The following CSTF2 variants were observed in gnomAD, a reference collection of about 807,000 sequenced individuals.
CSTF2 encodes cleavage stimulation factor subunit 2.
Under a neutral mutation model 45.4 loss-of-function variants are expected in CSTF2, and 8 were observed. That is an observed-to-expected ratio of 0.18 (90% CI 0.10 to 0.32). The LOEUF (loss-of-function observed/expected upper bound fraction) is 0.32, where lower values mean the gene tolerates loss of function less well. Among genes scored for constraint, CSTF2 ranks in the 10% least tolerant of loss-of-function variants. The pLI is 1.00. For missense variants in CSTF2, 253 were observed against 477.1 expected (o/e 0.53, Z 4.38); for synonymous variants, 155 against 158.9 (o/e 0.98, Z 0.18).
chrX:100,831,877 T>C (rs2084977402), intron 9 of CSTF2, among the ~76,000 whole-genome samples: 1 of 112,295 alleles, frequency 8.9e-6, no homozygotes, highest in Non-Finnish European at 1.9e-5. Flanking sequence ...GAAATTTTAG[T>C]ATACATACTT....
At chrX:100,824,388 T>C in intron 6 of CSTF2, 131 bp downstream of exon 6, 1 of 740,518 alleles carries the variant, frequency 1.4e-6, no homozygotes, top group Non-Finnish European at 1.9e-6. Flanking sequence ...TAAAAGCAAT[T>C]TCCAGGTTGC....
chrX:100,822,536 AT>A, intron 3 of CSTF2, 116 bp downstream of exon 3: 1 of 721,443 alleles, frequency 1.4e-6, no homozygotes, highest in Non-Finnish European at 2.1e-6. Flanking sequence ...CAGCTTGTTT[AT>A]TACTTGACTG....
intron 11 of CSTF2, among the ~76,000 whole-genome samples, chrX:100,833,855 G>C (rs1214645567): frequency 9.0e-6 from 1 of 111,641 alleles, no homozygotes; most frequent in African/African-American, 3.3e-5. Context: ...TCTGAGCATG[G>C]ATAGTTTGAA....
chrX:100,836,807 A>G (rs1437743983), intron 11 of CSTF2, among the ~76,000 whole-genome samples: 1 of 112,353 alleles, frequency 8.9e-6, no homozygotes, highest in Non-Finnish European at 1.9e-5. Context: ...GGCTAATAGC[A>G]GTCTTTTTCC....
At chrX:100,830,192 G>A (rs939949623) in intron 8 of CSTF2, among the ~76,000 whole-genome samples, 1 of 112,255 alleles carries the variant, frequency 8.9e-6, no homozygotes, top group African/African-American at 3.2e-5. Flanking sequence ...TTGTCATGAT[G>A]TTTATTATCA....
chrX:100,822,637 A>G (rs972225488), intron 3 of CSTF2: 52 of 407,445 alleles, frequency 1.3e-4, no homozygotes, highest in South Asian at 1.2e-3. Flanking sequence ...TGAAATTTCT[A>G]TACCCTTGCT....
At chrX:100,824,798 C>T (rs2084936146) in intron 6 of CSTF2, among the ~76,000 whole-genome samples, 1 of 112,581 alleles carries the variant, frequency 8.9e-6, no homozygotes, top group African/African-American at 3.2e-5. Flanking sequence ...CATAGTCATT[C>T]ACAAGAATGT....
At chrX:100,835,468 A>G (rs2085002648) in intron 11 of CSTF2, among the ~76,000 whole-genome samples, 1 of 109,776 alleles carries the variant, frequency 9.1e-6, no homozygotes, top group African/African-American at 3.3e-5. Flanking sequence ...CCTGTAGATA[A>G]TCACTTTTAT....
chrX:100,821,071 T>G (rs749032107), intron 1 of CSTF2, among the ~76,000 whole-genome samples: 1 of 112,900 alleles, frequency 8.9e-6, no homozygotes, highest in African/African-American at 3.2e-5. Flanking sequence ...TATTTTAGAG[T>G]ACCATTTGAA....
rs2084976371 is a variant in CSTF2 at position 100,831,670 on chromosome X, T to C, written c.1031+14T>C. ...GGTAGAGCCTAGGTAAGCACTAACA[T>C]AGAAGGAAACAGTTGAAGAAATCAG... On this transcript the variant is annotated intron_variant, in intron 9 of 13. Transcript: ENST00000372972. 8.3e-7 allele frequency: 1 copy of C among 1,205,211 alleles called. No individual in the cohort carries two copies. Among genetic ancestry groups the C allele is most frequent in the Admixed American group, 2.2e-5 (1 of 45,708 alleles).
intron 9 of CSTF2, among the ~76,000 whole-genome samples, chrX:100,832,097 A>G (rs1364760077): frequency 3.6e-5 from 4 of 110,985 alleles, no homozygotes; most frequent in Non-Finnish European, 7.5e-5. Context: ...GGCGCCTATA[A>G]TTACAGCTAC....
chrX:100,839,706 C>G (rs2085029372), intron 13 of CSTF2, among the ~76,000 whole-genome samples: 1 of 109,740 alleles, frequency 9.1e-6, no homozygotes, highest in South Asian at 3.9e-4. Flanking sequence ...CCCACATATT[C>G]TTTTTTTTTA....
At position 100,828,636 on chromosome X, in the gene CSTF2, C is replaced by T. The variant is rs142697500; in HGVS notation, c.889+534C>T. On this transcript the variant is annotated intron_variant, in intron 8 of 13. Transcript: ENST00000372972. The stretch of plus-strand genomic sequence containing the variant: ...CCTACTTAATGAACATATGTTGTAC[C>T]GTGGCTGTACTGCTATATACAACAG... Among the ~76,000 whole-genome samples the T allele has an allele frequency of 4.3e-3, 480 of 111,869 alleles. 3 individuals are homozygous for T. The highest frequency in any genetic ancestry group is 6.9e-3 in the Non-Finnish European group (365 of 53,156).
chrX:100,820,498 A>G (rs749591841), intron 1 of CSTF2, 24 bp downstream of exon 1: 5 of 1,193,714 alleles, frequency 4.2e-6, no homozygotes, highest in Non-Finnish European at 5.7e-6. Context: ...GTTGTAGTCA[A>G]GCTTCGGGGA....
At chrX:100,828,207 T>G (rs1037811390) in intron 8 of CSTF2, 105 bp downstream of exon 8, 54 of 547,561 alleles carry the variant, frequency 9.9e-5, no homozygotes, top group Non-Finnish European at 1.4e-4. Context: ...TATTTCAATA[T>G]TAAGTTAATT....
intron 7 of CSTF2, among the ~76,000 whole-genome samples, chrX:100,827,253 A>G (rs942442131): frequency 1.4e-4 from 16 of 112,416 alleles, no homozygotes; most frequent in Non-Finnish European, 9.4e-5. Context: ...TATTTTAACA[A>G]ACATAATCAG....
intron 11 of CSTF2, among the ~76,000 whole-genome samples, 171 bp from the exon 12 acceptor site, chrX:100,837,168 T>TA (rs1419509927): frequency 8.9e-6 from 1 of 112,609 alleles, no homozygotes; most frequent in Non-Finnish European, 1.9e-5. Flanking sequence ...GATCTCTGGC[T>TA]AAACCCTGCC....
At chrX:100,830,983 T>C in intron 8 of CSTF2, 1 of 612,300 alleles carries the variant, frequency 1.6e-6, no homozygotes, top group Non-Finnish European at 2.5e-6. Flanking sequence ...GGTAGTGTTT[T>C]TGGGTTTTTG....
chrX:100,822,477 A>T, intron 3 of CSTF2, 57 bp downstream of exon 3: 15 of 1,115,307 alleles, frequency 1.3e-5, no homozygotes, highest in Non-Finnish European at 1.8e-5. Flanking sequence ...AACAATGAAG[A>T]TTTTCCATTT....
Sources: allele counts gnomAD v4.1 joint callset (sites outside exome capture counted in the v4.1 genomes callset), GRCh38; gene constraint gnomAD v4.1.1; transcripts MANE v1.5; gene names NCBI Gene and HGNC (gene_info 2026-07-23, HGNC 2026-07-21).